Variants in SNTG1 observed in about 807,000 individuals in gnomAD.
SNTG1 encodes the protein gamma-1-syntrophin.
Under a neutral mutation model 74.7 loss-of-function variants are expected in SNTG1, and 39 were observed. The observed-to-expected ratio is 0.52, with a 90% CI of 0.40 to 0.68. The LOEUF is 0.68. Ranked by LOEUF, SNTG1 falls within the 30% of genes least tolerant of loss-of-function variation. SNTG1 has a pLI of 0.00. For missense variants in SNTG1, 685 were observed against 609.5 expected, an observed-to-expected ratio of 1.12 and a Z score of -1.30; for synonymous variants, 254 against 217.1, an observed-to-expected ratio of 1.17 and a Z score of -1.49.
chr8:49,935,523 CAAAAAAAA>C (rs59390567), intron 1 of SNTG1, among the ~76,000 whole-genome samples: 2 of 75,650 alleles, frequency 2.6e-5, no homozygotes, highest in African/African-American at 4.4e-5. Flanking sequence ...AGATGTAAAC[CAAAAAAAA>C]AAAAAAAAGA....
intron 8 of SNTG1, among the ~76,000 whole-genome samples, chr8:50,487,052 C>T (rs1389928747): frequency 6.6e-6 from 1 of 151,930 alleles, no homozygotes; most frequent in Non-Finnish European, 1.5e-5. Flanking sequence ...ATTCGGTTTG[C>T]CAGACATTTA....
intron 2 of SNTG1, among the ~76,000 whole-genome samples, chr8:50,289,429 G>A (rs945649128): frequency 7.2e-5 from 11 of 152,124 alleles, no homozygotes; most frequent in Admixed American, 4.6e-4. Context: ...GTGGAAGCGT[G>A]GGGTCAGTGA....
chr8:50,371,675 A>G (rs2092272245), intron 2 of SNTG1, among the ~76,000 whole-genome samples: 1 of 152,182 alleles, frequency 6.6e-6, no homozygotes, highest in Non-Finnish European at 1.5e-5. Flanking sequence ...TTTCTAACAT[A>G]AATTCTGTCA....
chr8:50,234,946 T>C (rs1189949789), intron 2 of SNTG1, among the ~76,000 whole-genome samples: 1 of 152,068 alleles, frequency 6.6e-6, no homozygotes, highest in Non-Finnish European at 1.5e-5. Flanking sequence ...GAAATAGTCA[T>C]AGGATATTAG....
chr8:50,448,961 G>A (rs746164451), intron 5 of SNTG1, among the ~76,000 whole-genome samples: 2 of 152,142 alleles, frequency 1.3e-5, no homozygotes, highest in African/African-American at 2.4e-5. Flanking sequence ...CCGGCAGGTG[G>A]AGGTTGCAGT....
At chr8:50,089,355 T>G (rs1195023367) in intron 1 of SNTG1, among the ~76,000 whole-genome samples, 1 of 150,186 alleles carries the variant, frequency 6.7e-6, no homozygotes, top group Non-Finnish European at 1.5e-5. Flanking sequence ...GGCAAGGACT[T>G]CATGTCTAAA....
At chr8:50,026,862 G>A (rs969253479) in intron 1 of SNTG1, among the ~76,000 whole-genome samples, 2 of 152,140 alleles carry the variant, frequency 1.3e-5, no homozygotes, top group Non-Finnish European at 2.9e-5. Flanking sequence ...TGTGTTTTAA[G>A]TGTTGATGGT....
chr8:50,787,396 G>A lies in SNTG1; in HGVS notation c.1396-5275G>A, dbSNP rs1454286965. 7.2e-5 allele frequency among the ~76,000 whole-genome samples: 11 copies of A among 151,996 alleles called. No individual in the cohort carries two copies. The South Asian group carries it at 2.1e-3, about 29-fold the overall frequency. On this transcript the variant is annotated intron_variant, in intron 18 of 18. Transcript: ENST00000642720. ...ATTGGAGCACTCAGATTTTGCTAGT[G>A]AGAATGTAAAATGTGGTAACTCATT...
At chr8:50,489,835 G>A (rs2093834783) in intron 8 of SNTG1, among the ~76,000 whole-genome samples, 1 of 152,262 alleles carries the variant, frequency 6.6e-6, no homozygotes, top group East Asian at 1.9e-4. Flanking sequence ...TAGTCATGAA[G>A]TCTTTGCCCA....
chr8:50,566,493 A>G (rs933753607), intron 12 of SNTG1, among the ~76,000 whole-genome samples: 5 of 152,030 alleles, frequency 3.3e-5, no homozygotes, highest in Non-Finnish European at 7.4e-5. Context: ...ACCAAGTAAT[A>G]AAACTATCAC....
chr8:50,382,578 A>G (rs1363947523), intron 2 of SNTG1, among the ~76,000 whole-genome samples: 2 of 152,216 alleles, frequency 1.3e-5, no homozygotes, highest in African/African-American at 4.8e-5. Flanking sequence ...AATCCAGATA[A>G]TGGGACTGAT....
At chr8:50,072,532 A>G (rs868036539) in intron 1 of SNTG1, among the ~76,000 whole-genome samples, 7 of 152,202 alleles carry the variant, frequency 4.6e-5, no homozygotes, top group Non-Finnish European at 8.8e-5. Context: ...CCCTTTCATG[A>G]GTTAACTGCC....
chr8:50,472,412 A>G (rs1388869224), intron 8 of SNTG1, among the ~76,000 whole-genome samples: 1 of 152,170 alleles, frequency 6.6e-6, no homozygotes, highest in African/African-American at 2.4e-5. Context: ...TTTAAAGACC[A>G]TTCAATTAGG....
At chr8:50,695,710 A>T (rs2095402484) in intron 15 of SNTG1, among the ~76,000 whole-genome samples, 1 of 151,850 alleles carries the variant, frequency 6.6e-6, no homozygotes, top group African/African-American at 2.4e-5. Context: ...ATTATAAGTA[A>T]GGATCTACAG....
chr8:50,156,126 A>C (rs2082247217), intron 1 of SNTG1, among the ~76,000 whole-genome samples: 1 of 152,040 alleles, frequency 6.6e-6, no homozygotes, highest in Non-Finnish European at 1.5e-5. Context: ...GAGACTTAAG[A>C]CTTCATCCTT....
intron 18 of SNTG1, among the ~76,000 whole-genome samples, chr8:50,777,272 T>A (rs898379663): frequency 6.8e-6 from 1 of 147,206 alleles, no homozygotes; most frequent in Non-Finnish European, 1.5e-5. Context: ...TTTGTTTTAG[T>A]CTCACAGTTC....
chr8:50,672,869 T>TGTAA (rs1355260968), intron 15 of SNTG1, among the ~76,000 whole-genome samples: 6 of 152,166 alleles, frequency 3.9e-5, no homozygotes, highest in Non-Finnish European at 7.3e-5. Context: ...TTGTTTAAGG[T>TGTAA]GTAAGGAAGT....
intron 15 of SNTG1, among the ~76,000 whole-genome samples, chr8:50,665,268 G>A (rs756300880): frequency 4.6e-5 from 7 of 152,048 alleles, no homozygotes; most frequent in East Asian, 1.9e-4. Context: ...TATGTTATGC[G>A]GAAGGTGAAA....
intron 1 of SNTG1, among the ~76,000 whole-genome samples, chr8:49,947,577 T>A (rs573339854): frequency 6.6e-6 from 1 of 152,310 alleles, no homozygotes; most frequent in East Asian, 1.9e-4. Flanking sequence ...ATCACAAAGA[T>A]GTTGTCTATG....
Sources: allele counts gnomAD v4.1 joint callset (sites outside exome capture counted in the v4.1 genomes callset), GRCh38; gene constraint gnomAD v4.1.1; transcripts MANE v1.5; gene names NCBI Gene and HGNC (gene_info 2026-07-23, HGNC 2026-07-21).